MBD2: variants seen among roughly 807,000 people sequenced by gnomAD.
MBD2 encodes methyl-CpG binding domain protein 2.
MBD2 carries 9 observed loss-of-function variants against 39.3 expected under a neutral mutation model. That is an observed-to-expected ratio of 0.23 (90% CI 0.14 to 0.40). The LOEUF is 0.40. MBD2 is among the 10% of genes least tolerant of loss of function. The pLI, the probability that MBD2 is intolerant of heterozygous loss-of-function variation, is 1.00. For synonymous variants in MBD2, 233 were observed against 211.1 expected, an observed-to-expected ratio of 1.10 and a Z score of -0.90; for missense variants, 458 against 532.6, an observed-to-expected ratio of 0.86 and a Z score of 1.38.
intron 1 of MBD2, among the ~76,000 whole-genome samples, chr18:54,212,428 T>C (rs1599108548): frequency 6.6e-6 from 1 of 152,152 alleles, no homozygotes; most frequent in East Asian, 1.9e-4. Flanking sequence ...CTGGTAGAAA[T>C]TTTCACAAGT....
At chr18:54,218,228 G>T (rs2086578296) in intron 1 of MBD2, among the ~76,000 whole-genome samples, 1 of 152,112 alleles carries the variant, frequency 6.6e-6, no homozygotes, top group South Asian at 2.1e-4. Context: ...GAATATTTCT[G>T]AACAAATTGA....
chr18:54,189,533 T>C (rs1271472825), intron 2 of MBD2, among the ~76,000 whole-genome samples: 2 of 152,044 alleles, frequency 1.3e-5, no homozygotes, highest in Non-Finnish European at 1.5e-5. Flanking sequence ...GCTTTTTGTA[T>C]ACTTTTAAGT....
intron 1 of MBD2, among the ~76,000 whole-genome samples, chr18:54,216,872 C>A (rs2086565709): frequency 6.6e-6 from 1 of 152,160 alleles, no homozygotes; most frequent in African/African-American, 2.4e-5. Flanking sequence ...AGGTGGATCA[C>A]CTGAGTTCAG....
chr18:54,218,870 G>T (rs938455005), intron 1 of MBD2, among the ~76,000 whole-genome samples: 1 of 151,276 alleles, frequency 6.6e-6, no homozygotes, highest in Non-Finnish European at 1.5e-5. Flanking sequence ...TCTGAGGTAG[G>T]ACAATCACTT....
At chr18:54,160,104 AG>A in intron 5 of MBD2, 1 of 547,618 alleles carries the variant, frequency 1.8e-6, no homozygotes, top group Non-Finnish European at 3.2e-6. Flanking sequence ...ATGTTCACAG[AG>A]GCAGTTATCC....
chr18:54,207,014 G>A (rs2086455534), intron 1 of MBD2, among the ~76,000 whole-genome samples: 1 of 152,140 alleles, frequency 6.6e-6, no homozygotes, highest in African/African-American at 2.4e-5. Context: ...CAAGCTAGAA[G>A]GCCACATCAC....
At chr18:54,201,400 G>T (rs1316934474) in intron 2 of MBD2, among the ~76,000 whole-genome samples, 1 of 152,076 alleles carries the variant, frequency 6.6e-6, no homozygotes, top group Non-Finnish European at 1.5e-5. Context: ...AATCAATAAG[G>T]TATAATGTAA....
chr18:54,164,734 T>C (rs1410634064), intron 4 of MBD2, 34 bp from the exon 5 acceptor site: 1 of 1,562,834 alleles, frequency 6.4e-7, no homozygotes, highest in Non-Finnish European at 8.8e-7. Context: ...TTAAAGGAAA[T>C]GTCTCAATGT....
chr18:54,192,379 C>T (rs972225077), intron 2 of MBD2, among the ~76,000 whole-genome samples: 3 of 151,994 alleles, frequency 2.0e-5, no homozygotes, highest in Non-Finnish European at 4.4e-5. Context: ...ACTACAGGCA[C>T]GCACCACCAC....
intron 3 of MBD2, among the ~76,000 whole-genome samples, chr18:54,184,452 G>A (rs1406133062): frequency 2.0e-5 from 3 of 152,166 alleles, no homozygotes; most frequent in Non-Finnish European, 4.4e-5. Flanking sequence ...TGGAAAAATT[G>A]TCTGCCACCA....
intron 1 of MBD2, among the ~76,000 whole-genome samples, chr18:54,223,581 G>C (rs1233939862): frequency 6.6e-6 from 1 of 152,186 alleles, no homozygotes; most frequent in East Asian, 1.9e-4. Context: ...AACTTTCTTG[G>C]ATGAAGTAAA....
chr18:54,174,776 A>T (rs2086200077), intron 3 of MBD2, among the ~76,000 whole-genome samples: 2 of 152,252 alleles, frequency 1.3e-5, no homozygotes, highest in African/African-American at 4.8e-5. Flanking sequence ...GAAATTTTAT[A>T]TCACAACCTA....
intron 1 of MBD2, among the ~76,000 whole-genome samples, chr18:54,214,820 A>T (rs942381047): frequency 1.3e-5 from 2 of 151,130 alleles, no homozygotes; most frequent in African/African-American, 4.9e-5. Flanking sequence ...GCTCACTGCA[A>T]GCTCCACGTC....
chr18:54,223,947 T>C (rs1449836528), intron 1 of MBD2, 71 bp downstream of exon 1: 1 of 1,340,376 alleles, frequency 7.5e-7, no homozygotes, highest in Non-Finnish European at 1.0e-6. Context: ...GCTCATCCTC[T>C]GCCCAGGCCC....
At chr18:54,214,742 CT>C (rs1009315641) in intron 1 of MBD2, among the ~76,000 whole-genome samples, 334 of 69,726 alleles carry the variant, frequency 4.8e-3, no homozygotes, top group Middle Eastern at 0.019. Context: ...TTTTAGAATT[CT>C]TTTTTTTTTT....
intron 1 of MBD2, among the ~76,000 whole-genome samples, chr18:54,215,751 C>A (rs1474052824): frequency 6.6e-6 from 1 of 151,904 alleles, no homozygotes; most frequent in Non-Finnish European, 1.5e-5. Context: ...GCCTCGGCCT[C>A]CCAAAGTGCT....
intron 2 of MBD2, among the ~76,000 whole-genome samples, chr18:54,196,036 C>G (rs886818007): frequency 4.6e-5 from 7 of 152,170 alleles, no homozygotes; most frequent in Admixed American, 3.3e-4. Flanking sequence ...AAGTGCCTTA[C>G]AATTCTTCGT....
chr18:54,181,725 T>C (rs2086253209), intron 3 of MBD2, among the ~76,000 whole-genome samples: 1 of 151,996 alleles, frequency 6.6e-6, no homozygotes, highest in Non-Finnish European at 1.5e-5. Flanking sequence ...GGTCTTGAAC[T>C]CCTGACCACG....
At chr18:54,211,093 G>T (rs963571062) in intron 1 of MBD2, among the ~76,000 whole-genome samples, 1 of 151,226 alleles carries the variant, frequency 6.6e-6, no homozygotes, top group Non-Finnish European at 1.5e-5. Flanking sequence ...GGATGGTCTC[G>T]ATCTCCTGAC....
Sources: gnomAD v4.1 joint callset for allele counts (sites outside exome capture counted in the v4.1 genomes callset) on GRCh38, gnomAD v4.1.1 for gene constraint, MANE v1.5 for transcripts, NCBI Gene and HGNC (gene_info 2026-07-23, HGNC 2026-07-21) for gene names.